The following SYNJ2BP variants were observed in gnomAD, a reference collection of about 807,000 sequenced individuals.
The protein encoded by SYNJ2BP is synaptojanin-2-binding protein.
In SYNJ2BP, 10 loss-of-function variants were observed where a neutral mutation model predicts 16.9. The observed-to-expected ratio is 0.59, with a 90% confidence interval of 0.36 to 1.00. SYNJ2BP has a LOEUF of 1.00. Ranked by LOEUF, SYNJ2BP falls within the 50% of genes least tolerant of loss-of-function variation. SYNJ2BP has a pLI of 0.01. For synonymous variants in SYNJ2BP, 54 were observed against 68.4 expected, an observed-to-expected ratio of 0.79 and a Z score of 1.04; for missense variants, 162 against 186.7, an observed-to-expected ratio of 0.87 and a Z score of 0.77.
At chr14:70,411,921 G>T (rs1369940027) in intron 1 of SYNJ2BP, among the ~76,000 whole-genome samples, 1 of 152,176 alleles carries the variant, frequency 6.6e-6, no homozygotes, top group African/African-American at 2.4e-5. Flanking sequence ...CTCCATGAAG[G>T]CGAGACTTTG....
At position 70,368,222 on chromosome 14, in the gene SYNJ2BP, T is replaced by C. The variant is rs574186885; in HGVS notation, c.*4769A>G. On this transcript the variant is annotated 3_prime_UTR_variant, in exon 4 of 4. Transcript: ENST00000256366. ...TCATCTGATTGGATTTGATATGAGATCATTCTCAGATTGTTCTGTGGAATC... is the reference window on the plus strand; with the variant it reads ...TCATCTGATTGGATTTGATATGAGACCATTCTCAGATTGTTCTGTGGAATC... 1.7e-4 allele frequency: 26 copies of C among 152,334 alleles called. No homozygotes were observed. Among genetic ancestry groups the C allele is most frequent in the African/African-American group, 6.3e-4 (26 of 41,584 alleles). The allele number at this position is 152,334 out of a possible 1,614,324, so 9.4% of individuals were successfully genotyped here. A position where few individuals can be genotyped will look rare whatever the true frequency, so the allele number is the denominator to read the frequency against.
At chr14:70,410,636 T>C (rs1299291125) in intron 1 of SYNJ2BP, among the ~76,000 whole-genome samples, 1 of 152,092 alleles carries the variant, frequency 6.6e-6, no homozygotes, top group Non-Finnish European at 1.5e-5. Flanking sequence ...AATGGTAGAC[T>C]GGACAAAGAA....
chr14:70,412,045 CCCA>C, intron 1 of SYNJ2BP, among the ~76,000 whole-genome samples: 1 of 152,196 alleles, frequency 6.6e-6, no homozygotes, highest in Non-Finnish European at 1.5e-5. Context: ...TAGCATGAAA[CCCA>C]AAGCCTATGA....
intron 2 of SYNJ2BP, among the ~76,000 whole-genome samples, chr14:70,377,758 T>G (rs11158858): frequency 0.28 from 42,142 of 152,144 alleles, 7,454 homozygotes; most frequent in Admixed American, 0.39. Flanking sequence ...ATTACTTAAC[T>G]ATTATCTTTC....
intron 1 of SYNJ2BP, among the ~76,000 whole-genome samples, chr14:70,414,436 C>T (rs1888557788): frequency 6.6e-6 from 1 of 152,102 alleles, no homozygotes; most frequent in Admixed American, 6.6e-5. Flanking sequence ...TTAATTAGTC[C>T]TTGAAGCTTG....
chr14:70,400,577 T>C (rs1888213737), intron 1 of SYNJ2BP, among the ~76,000 whole-genome samples: 1 of 152,214 alleles, frequency 6.6e-6, no homozygotes, highest in Non-Finnish European at 1.5e-5. Flanking sequence ...GTTTTTAAGA[T>C]TAACCTTTAC....
At chr14:70,373,218 A>G in intron 3 of SYNJ2BP, 87 bp from the exon 4 acceptor site, 15 of 1,553,060 alleles carry the variant, frequency 9.7e-6, no homozygotes, top group African/African-American at 1.4e-5. Flanking sequence ...CTGGGTTTGT[A>G]GACTCTAGAC....
intron 1 of SYNJ2BP, 99 bp from the exon 2 acceptor site, chr14:70,388,705 A>C: frequency 7.3e-7 from 1 of 1,369,214 alleles, no homozygotes. Flanking sequence ...CTGGGGAGGA[A>C]AGGCTGATGG....
At chr14:70,376,628 G>T (rs947377992) in intron 2 of SYNJ2BP, among the ~76,000 whole-genome samples, 18 of 152,172 alleles carry the variant, frequency 1.2e-4, no homozygotes, top group African/African-American at 4.1e-4. Context: ...CTTTTGATAG[G>T]TTCTGTACTT....
intron 1 of SYNJ2BP, among the ~76,000 whole-genome samples, chr14:70,409,979 G>A (rs1314332470): frequency 6.6e-6 from 1 of 151,476 alleles, no homozygotes; most frequent in Admixed American, 6.6e-5. Context: ...TTAGTCAAGT[G>A]TGGTGGTGCA....
intron 1 of SYNJ2BP, among the ~76,000 whole-genome samples, chr14:70,410,910 C>T (rs1441052641): frequency 6.6e-6 from 1 of 152,048 alleles, no homozygotes; most frequent in African/African-American, 2.4e-5. Context: ...GGGTACTAGG[C>T]TTAATACCTG....
chr14:70,408,085 C>T (rs1217490114), intron 1 of SYNJ2BP, among the ~76,000 whole-genome samples: 2 of 149,940 alleles, frequency 1.3e-5, no homozygotes, highest in Admixed American at 6.6e-5. Flanking sequence ...AAAAATGTTT[C>T]TGGGAGCTTC....
chr14:70,411,169 G>A lies in SYNJ2BP; in HGVS notation c.64+5731C>T, dbSNP rs73290384. 9.2e-3 allele frequency among the ~76,000 whole-genome samples: 1,398 copies of A among 152,196 alleles called. 16 individuals carry two copies. The highest frequency in any genetic ancestry group is 0.032 in the African/African-American group (1,331 of 41,512). ...ATTTTAAGTCACACAGACCTGGATCGAAATCTTCACTTAAAGAGTTGTATA... is the reference window on the plus strand; with the variant it reads ...ATTTTAAGTCACACAGACCTGGATCAAAATCTTCACTTAAAGAGTTGTATA... On this transcript the variant is annotated intron_variant, in intron 1 of 3. Transcript: ENST00000256366.
At chr14:70,400,853 G>A (rs1888219420) in intron 1 of SYNJ2BP, among the ~76,000 whole-genome samples, 1 of 152,108 alleles carries the variant, frequency 6.6e-6, no homozygotes. Flanking sequence ...TGCTGATAAG[G>A]TCTATTTCTA....
At chr14:70,416,258 T>C (rs1054474037) in intron 1 of SYNJ2BP, among the ~76,000 whole-genome samples, 1 of 151,148 alleles carries the variant, frequency 6.6e-6, no homozygotes. Context: ...ATAAATAAAA[T>C]AAATCTGTAT....
chr14:70,407,726 C>T (rs1888378827), intron 1 of SYNJ2BP, among the ~76,000 whole-genome samples: 1 of 151,798 alleles, frequency 6.6e-6, no homozygotes, highest in South Asian at 2.1e-4. Context: ...CATCTTTGGA[C>T]ATTCTCTACT....
chr14:70,397,283 T>C (rs2140852377), intron 1 of SYNJ2BP, among the ~76,000 whole-genome samples: 1 of 152,106 alleles, frequency 6.6e-6, no homozygotes, highest in South Asian at 2.1e-4. Context: ...TATATACGCC[T>C]GTTAGGTCTA....
intron 1 of SYNJ2BP, among the ~76,000 whole-genome samples, chr14:70,402,724 C>T (rs748877543): frequency 3.5e-4 from 53 of 151,766 alleles, no homozygotes; most frequent in Admixed American, 5.9e-4. Flanking sequence ...CTGGAAACTG[C>T]AAATACTTTC....
rs144574258 is a variant in SYNJ2BP, at chr14:70,416,390, G to C, written c.64+510C>G. Reference sequence around the variant, plus strand: ...AAGTTTGGGAACCTGTGTAATAAAAGATTTCTAAGGGCTCTTCCTGCTTTA... The same window carrying C: ...AAGTTTGGGAACCTGTGTAATAAAACATTTCTAAGGGCTCTTCCTGCTTTA... On this transcript the variant is annotated intron_variant, in intron 1 of 3. Coordinates refer to ENST00000256366, the MANE Select transcript of SYNJ2BP (RefSeq NM_018373.3). 4.2e-3 allele frequency among the ~76,000 whole-genome samples: 611 copies of C among 146,996 alleles called. 6 individuals are homozygous for C. Among genetic ancestry groups the C allele is most frequent in the African/African-American group, 0.015 (582 of 40,022 alleles).
Sources: allele counts gnomAD v4.1 joint callset (sites outside exome capture counted in the v4.1 genomes callset), GRCh38; gene constraint gnomAD v4.1.1; transcripts MANE v1.5; gene names NCBI Gene and HGNC (gene_info 2026-07-23, HGNC 2026-07-21).